ADAMTS17: variants seen among roughly 807,000 people sequenced by gnomAD.
ADAMTS17 encodes the protein A disintegrin and metalloproteinase with thrombospondin motifs 17.
A neutral mutation model predicts 141.5 loss-of-function variants in ADAMTS17; 113 were observed. The ratio of observed to expected loss-of-function variants is 0.80; its 90% CI spans 0.69 to 0.93. ADAMTS17 has a LOEUF of 0.93. ADAMTS17 is among the 40% of genes least tolerant of loss of function. The pLI is 0.00. For synonymous variants in ADAMTS17, 768 were observed against 630.6 expected (o/e 1.22, Z -3.27); for missense variants, 1,659 against 1,517.9 (o/e 1.09, Z -1.54).
In ADAMTS17 at chr15:100,117,120, G is replaced by A; in HGVS notation, c.1722-107C>T. The A allele has an allele frequency of 3.0e-6, 4 of 1,346,962 alleles. No individual in the cohort carries two copies. The East Asian group carries it at 1.0e-4, about 34-fold the overall frequency. 83.4% of individuals were successfully genotyped at this position (1,346,962 alleles called of 1,614,324 possible). ...GGAGGAGAGGAAGGGGGCAGGGCAA[G>A]GTTTCCAAAGCCACCCCCTCTCTGC... On this transcript the variant is annotated intron_variant, in intron 12 of 21. Transcript: ENST00000268070.
At chr15:100,282,340 C>T (rs924787313) in intron 3 of ADAMTS17, among the ~76,000 whole-genome samples, 1 of 152,228 alleles carries the variant, frequency 6.6e-6, no homozygotes, top group African/African-American at 2.4e-5. Context: ...AGGACCAAAA[C>T]TGGATACAGC....
At chr15:100,160,056 C>T (rs1366209689) in intron 8 of ADAMTS17, among the ~76,000 whole-genome samples, 1 of 85,748 alleles carries the variant, frequency 1.2e-5, no homozygotes, top group Non-Finnish European at 3.5e-5. Context: ...CCTGGAATGG[C>T]CCCCCAGTAA....
intron 3 of ADAMTS17, among the ~76,000 whole-genome samples, chr15:100,326,024 G>A (rs773103538): frequency 2.6e-5 from 4 of 152,130 alleles, no homozygotes; most frequent in Admixed American, 6.5e-5. Flanking sequence ...CTGGGTCTGT[G>A]CAGCTTTGGA....
intron 18 of ADAMTS17, among the ~76,000 whole-genome samples, chr15:100,044,956 C>T (rs546895308): frequency 1.2e-4 from 18 of 152,028 alleles, no homozygotes; most frequent in South Asian, 4.2e-4. Context: ...TACAGGTGCA[C>T]GCCACCATGC....
At chr15:100,302,940 T>A (rs989939730) in intron 3 of ADAMTS17, among the ~76,000 whole-genome samples, 5 of 151,976 alleles carry the variant, frequency 3.3e-5, no homozygotes, top group African/African-American at 1.2e-4. Flanking sequence ...CCAGCCTACA[T>A]TTTTTCCCAT....
chr15:100,254,017 G>A, intron 7 of ADAMTS17, 119 bp downstream of exon 7: 1 of 948,516 alleles, frequency 1.1e-6, no homozygotes, highest in Non-Finnish European at 1.7e-6. Flanking sequence ...TTACAGGAAG[G>A]AAGGCAACAG....
chr15:100,263,957 C>T (rs1431538146), intron 4 of ADAMTS17, among the ~76,000 whole-genome samples: 8 of 152,202 alleles, frequency 5.3e-5, no homozygotes, highest in African/African-American at 4.8e-5. Flanking sequence ...AGCCCACAAG[C>T]GCTAGAAGCC....
rs535305310 is a variant in ADAMTS17 at position 100,330,296 on chromosome 15, G to C, written c.616+593C>G. On this transcript the variant is annotated intron_variant, in intron 3 of 21. Coordinates refer to ENST00000268070, the MANE Select transcript of ADAMTS17 (RefSeq NM_139057.4). The stretch of plus-strand genomic sequence containing the variant: ...CCAGTGCATGGCAAGTTTTAAAGCA[G>C]TGGTTCTCACACTTTAGCACGTATC... Among the ~76,000 whole-genome samples, 223 of 152,344 alleles carry C rather than the reference G, an allele frequency of 1.5e-3. 1 individual carries two copies. Among genetic ancestry groups the C allele is most frequent in the African/African-American group, 4.7e-3 (197 of 41,576 alleles).
Position 99,997,392 on chromosome 15 carries a change from C to A in ADAMTS17, c.2789G>T (p.Trp930Leu). Residue 930 changes from tryptophan (W) to leucine (L), a missense_variant, in exon 19 of 22, where the codon TGG becomes TTG. Coordinates refer to ENST00000268070, the MANE Select transcript of ADAMTS17 (RefSeq NM_139057.4). The surrounding 1 kb of genome is among the most constrained non-coding windows in gnomAD (Gnocchi z 4.7). ...GCAAGCCCAGGCACCCACCTGTGACCACTCAGACGCCTCCCAGATGGACAG... is the reference window on the plus strand; with the variant it reads ...GCAAGCCCAGGCACCCACCTGTGACAACTCAGACGCCTCCCAGATGGACAG... ...DCLSIWEASE[W>L]SQCSASCGKG... 6.2e-7 allele frequency: 1 copy of A among 1,613,754 alleles called. No homozygotes were observed. Among genetic ancestry groups the A allele is most frequent in the Non-Finnish European group, 8.5e-7 (1 of 1,180,014 alleles).
intron 10 of ADAMTS17, among the ~76,000 whole-genome samples, chr15:100,141,118 C>T (rs567506858): frequency 1.3e-5 from 2 of 152,356 alleles, no homozygotes; most frequent in African/African-American, 4.8e-5. Context: ...CATTTGTCAC[C>T]TCACTGGCTA....
Position 100,132,702 on chromosome 15 carries a change from C to T in ADAMTS17, c.1575+512G>A, listed in dbSNP as rs536059441. On this transcript the variant is annotated intron_variant, in intron 11 of 21. Transcript: ENST00000268070. The stretch of plus-strand genomic sequence containing the variant: ...TCCCAATCACGGCATCAGAGCAAAC[C>T]TTTACTCCTTTTTCAACTCTTTCAA... 5.3e-5 allele frequency among the ~76,000 whole-genome samples: 8 copies of T among 152,298 alleles called. No homozygotes were observed. In the South Asian group the frequency reaches 1.0e-3, roughly 20 times the overall value.
chr15:100,048,401 G>A lies in ADAMTS17; in HGVS notation c.2591+456C>T, dbSNP rs561945692. Among the ~76,000 whole-genome samples, 32 of 138,598 alleles carry A rather than the reference G, an allele frequency of 2.3e-4. No homozygotes were observed. In the South Asian group the frequency reaches 6.1e-3, roughly 27 times the overall value. 90.9% of individuals were successfully genotyped at this position (138,598 alleles called of 152,430 possible). On this transcript the variant is annotated intron_variant, in intron 18 of 21. Transcript: ENST00000268070. ...CTGGGGCTGGGACAGAAGTTCTGAT[G>A]GATCCCGAAGAATAAACACCAAGAT...
intron 3 of ADAMTS17, among the ~76,000 whole-genome samples, chr15:100,297,461 G>A (rs2044863818): frequency 1.3e-5 from 2 of 152,190 alleles, no homozygotes; most frequent in African/African-American, 4.8e-5. Context: ...ATCTGGACAA[G>A]GAAGGCAACT....
intron 7 of ADAMTS17, among the ~76,000 whole-genome samples, chr15:100,214,836 G>T (rs1024246451): frequency 6.6e-6 from 1 of 152,186 alleles, no homozygotes; most frequent in African/African-American, 2.4e-5. Context: ...TCCTGAGACG[G>T]TCCTCGATTA....
intron 12 of ADAMTS17, among the ~76,000 whole-genome samples, chr15:100,127,605 G>A (rs1408441468): frequency 1.3e-5 from 2 of 152,170 alleles, no homozygotes; most frequent in African/African-American, 4.8e-5. Context: ...GTTTTGAGAT[G>A]GAGTCCCACT....
chr15:100,038,054 G>A (rs1284464586), intron 18 of ADAMTS17, among the ~76,000 whole-genome samples: 2 of 152,106 alleles, frequency 1.3e-5, no homozygotes, highest in Non-Finnish European at 1.5e-5. Context: ...GAGCCAATGC[G>A]CCCCACCTCC....
intron 7 of ADAMTS17, among the ~76,000 whole-genome samples, chr15:100,222,821 A>G (rs917565394): frequency 2.6e-5 from 4 of 152,230 alleles, no homozygotes; most frequent in African/African-American, 9.6e-5. Flanking sequence ...TTTTCAGAGT[A>G]AGAGTGACCA....
At chr15:100,229,815 C>G (rs2042421530) in intron 7 of ADAMTS17, among the ~76,000 whole-genome samples, 1 of 152,228 alleles carries the variant, frequency 6.6e-6, no homozygotes, top group Non-Finnish European at 1.5e-5. Flanking sequence ...AAGGGCAACT[C>G]TCTTGCAGTG....
At chr15:100,325,627 G>C (rs1410148923) in intron 3 of ADAMTS17, among the ~76,000 whole-genome samples, 1 of 152,132 alleles carries the variant, frequency 6.6e-6, no homozygotes, top group Non-Finnish European at 1.5e-5. Flanking sequence ...GTTCATGCAA[G>C]AGTTGGCTGT....
Sources: allele counts gnomAD v4.1 joint callset (sites outside exome capture counted in the v4.1 genomes callset), GRCh38; gene constraint gnomAD v4.1.1; non-coding constraint Gnocchi (gnomAD v3.1); transcripts MANE v1.5; gene names NCBI Gene and HGNC (gene_info 2026-07-23, HGNC 2026-07-21).